The following ANKRD62 variants were observed in gnomAD, a reference collection of about 807,000 sequenced individuals.
ANKRD62 encodes the protein ankyrin repeat domain-containing protein 62.
In ANKRD62, 61 loss-of-function variants were observed where a neutral mutation model predicts 98.8. That is an observed-to-expected ratio of 0.62 (90% confidence interval 0.50 to 0.76). The LOEUF (loss-of-function observed/expected upper bound fraction) is 0.76, where lower values mean the gene tolerates loss of function less well. Ranked by LOEUF, ANKRD62 falls within the 30% of genes least tolerant of loss-of-function variation. The pLI, the probability that ANKRD62 is intolerant of heterozygous loss-of-function variation, is 0.00. For synonymous variants in ANKRD62, 341 were observed against 367.9 expected, an observed-to-expected ratio of 0.93 and a Z score of 0.84; for missense variants, 933 against 1,082.9, an observed-to-expected ratio of 0.86 and a Z score of 1.94.
Position 12,093,926 on chromosome 18 carries a change from C to G in ANKRD62, c.-92C>G, listed in dbSNP as rs1016210138. The G allele has an allele frequency of 1.4e-5, 18 of 1,279,990 alleles. No individual in the cohort carries two copies. The highest frequency in any genetic ancestry group is 2.0e-5 in the Admixed American group (1 of 49,936). The allele number at this position is 1,279,990 out of a possible 1,614,324, so 79.3% of individuals were successfully genotyped here. A position where few individuals can be genotyped will look rare whatever the true frequency, so the allele number is the denominator to read the frequency against. ...GGTTGCGGCTGGACCTGGTTACGTG[C>G]TGGTGCTGCGCTCCAGAGAGGCAGA... On this transcript the variant is annotated 5_prime_UTR_variant, in exon 1 of 14. Transcript: ENST00000587848.
At chr18:12,107,983 T>G (rs1013694328) in intron 8 of ANKRD62, among the ~76,000 whole-genome samples, 1 of 152,192 alleles carries the variant, frequency 6.6e-6, no homozygotes, top group African/African-American at 2.4e-5. Flanking sequence ...AATTGTTGCG[T>G]GCATACATAT....
At chr18:12,113,758 A>G (rs976819593) in intron 8 of ANKRD62, among the ~76,000 whole-genome samples, 5 of 152,258 alleles carry the variant, frequency 3.3e-5, no homozygotes, top group African/African-American at 1.2e-4. Context: ...CCTCAAAGAC[A>G]GAAGTACCAT....
intron 10 of ANKRD62, among the ~76,000 whole-genome samples, chr18:12,118,155 G>C (rs1489268539): frequency 6.6e-6 from 1 of 152,178 alleles, no homozygotes; most frequent in East Asian, 1.9e-4. Flanking sequence ...TGACATGTAT[G>C]CGTGTCATAT....
At chr18:12,178,258 A>G in the ANKRD62 span, among the ~76,000 whole-genome samples, 1 of 150,602 alleles carries the variant, frequency 6.6e-6, no homozygotes, top group Non-Finnish European at 1.5e-5. Context: ...GGCAGATAGC[A>G]TATTGAGGGG....
chr18:12,150,471 AC>A, the ANKRD62 span, among the ~76,000 whole-genome samples: 1 of 152,188 alleles, frequency 6.6e-6, no homozygotes, highest in Non-Finnish European at 1.5e-5. Context: ...GATTTTACAC[AC>A]GAATACCATC....
Position 12,117,598 on chromosome 18 carries a change from A to T in ANKRD62, c.1240+2064A>T, listed in dbSNP as rs945412940. Among the ~76,000 whole-genome samples the T allele has an allele frequency of 1.7e-4, 26 of 152,334 alleles. 1 individual carries two copies. Among genetic ancestry groups the T allele is most frequent in the Non-Finnish European group, 3.5e-4 (24 of 68,028 alleles). On this transcript the variant is annotated intron_variant, in intron 10 of 13. Coordinates refer to ENST00000587848, the MANE Select transcript of ANKRD62 (RefSeq NM_001277333.2). Reference sequence around the variant, plus strand: ...CATGATACATGTTAGCTGTAGGTTCATCATAGATGTTCTTTATCATGCTGA... The same window carrying T: ...CATGATACATGTTAGCTGTAGGTTCTTCATAGATGTTCTTTATCATGCTGA...
In ANKRD62 at chr18:12,097,663, G is replaced by A. The variant is rs771643622; in HGVS notation, c.638G>A (p.Arg213His). The change falls in exon 5 of 14, where the codon CGT (arginine) becomes CAT (histidine). Residue 213 changes from arginine (R) to histidine (H), a missense_variant. Physicochemically the swap from Arg to His is conservative, Grantham distance 29 (BLOSUM62 0). This residue lies in a region of ANKRD62 where 549 missense variants were observed against 587.9 expected (regional missense o/e 0.93). Coordinates refer to ENST00000587848, the MANE Select transcript of ANKRD62 (RefSeq NM_001277333.2). Reference protein sequence around the residue: ...FGRTALILAARNGSTSVVYQL... With the variant: ...FGRTALILAAHNGSTSVVYQL... ...AGAACAGCCCTGATACTTGCTGCTC[G>A]TAATGGATCAACAAGTGTAGTCTAC... 21 of 1,535,438 alleles carry A rather than the reference G, an allele frequency of 1.4e-5. No homozygotes were observed. The highest frequency in any genetic ancestry group is 2.4e-5 in the South Asian group (2 of 83,900).
chr18:12,173,813 G>A, the ANKRD62 span, among the ~76,000 whole-genome samples: 7 of 152,148 alleles, frequency 4.6e-5, no homozygotes, highest in Admixed American at 4.6e-4. Flanking sequence ...TTGAATATTG[G>A]CCTTCACATC....
chr18:12,095,416 T>A lies in ANKRD62; in HGVS notation c.334-21T>A, dbSNP rs766492794. ...AGATTTCCTAGAATTTACAGTCTAT[T>A]TCTTGGTCTAATACTGACAGGCTGT... On this transcript the variant is annotated intron_variant, in intron 2 of 13. Transcript: ENST00000587848. 3 of 1,559,976 alleles carry A rather than the reference T, an allele frequency of 1.9e-6. No homozygotes were observed. In the South Asian group the frequency reaches 3.5e-5, roughly 18 times the overall value.
the ANKRD62 span, among the ~76,000 whole-genome samples, chr18:12,161,176 T>C: frequency 6.6e-6 from 1 of 152,214 alleles, no homozygotes; most frequent in Admixed American, 6.5e-5. Context: ...TGTTACCATC[T>C]GAGTCTTAAA....
At chr18:12,132,131 G>A (rs546495402), downstream of ANKRD62, among the ~76,000 whole-genome samples, 52 of 152,038 alleles carry the variant, frequency 3.4e-4, no homozygotes, top group South Asian at 2.7e-3. Context: ...TTATTGTACA[G>A]ATATTTTGCA....
the ANKRD62 span, among the ~76,000 whole-genome samples, chr18:12,167,261 T>G: frequency 5.3e-3 from 810 of 151,890 alleles, 5 homozygotes; most frequent in Middle Eastern, 0.031. Context: ...CATTAAGTAT[T>G]TCTCCTAATG....
the ANKRD62 span, among the ~76,000 whole-genome samples, chr18:12,157,361 G>C: frequency 6.6e-6 from 1 of 152,066 alleles, no homozygotes; most frequent in African/African-American, 2.4e-5. Flanking sequence ...TGACCCCTTT[G>C]TGATGAACCA....
rs1184959092 is a variant in ANKRD62 at position 12,097,794 on chromosome 18, C to G, written c.752+17C>G. ...GTTTCAAGCGTAAGTGTTAAAAAGGCTAGTGAACACTAAATTGAGGTTTAA... is the reference window on the plus strand; with the variant it reads ...GTTTCAAGCGTAAGTGTTAAAAAGGGTAGTGAACACTAAATTGAGGTTTAA... On this transcript the variant is annotated intron_variant, in intron 5 of 13. Transcript: ENST00000587848. 4.6e-6 allele frequency: 7 copies of G among 1,533,200 alleles called. No homozygotes were observed. Among genetic ancestry groups the G allele is most frequent in the Non-Finnish European group, 6.1e-6 (7 of 1,144,050 alleles). The allele number at this position is 1,533,200 out of a possible 1,614,324, so 95.0% of individuals were successfully genotyped here. A position where few individuals can be genotyped will look rare whatever the true frequency, so the allele number is the denominator to read the frequency against.
At chr18:12,169,906 T>C in the ANKRD62 span, among the ~76,000 whole-genome samples, 1 of 152,230 alleles carries the variant, frequency 6.6e-6, no homozygotes, top group Non-Finnish European at 1.5e-5. Context: ...GATTTTCTAG[T>C]TTATTTGCAT....
the ANKRD62 span, among the ~76,000 whole-genome samples, chr18:12,135,096 G>T: frequency 5.3e-5 from 8 of 150,824 alleles, no homozygotes; most frequent in Non-Finnish European, 1.0e-4. Flanking sequence ...CAACGTGCAG[G>T]TGTGTTACAT....
the ANKRD62 span, among the ~76,000 whole-genome samples, chr18:12,155,242 C>A: frequency 6.6e-6 from 1 of 152,158 alleles, no homozygotes; most frequent in East Asian, 1.9e-4. Flanking sequence ...CTTATTCTGG[C>A]TTGAAAACTT....
intron 8 of ANKRD62, 124 bp from the exon 9 acceptor site, chr18:12,114,964 A>C (rs1266696872): frequency 1.4e-5 from 11 of 788,970 alleles, no homozygotes; most frequent in Non-Finnish European, 1.9e-5. Flanking sequence ...CATTACCTGT[A>C]AACATTATAA....
chr18:12,167,655 A>G, the ANKRD62 span, among the ~76,000 whole-genome samples: 540 of 152,310 alleles, frequency 3.5e-3, 2 homozygotes, highest in African/African-American at 0.012. Context: ...ATACCCAGTA[A>G]TAGGATCACT....
Sources: gnomAD v4.1 joint callset for allele counts (sites outside exome capture counted in the v4.1 genomes callset) on GRCh38, gnomAD v4.1.1 for gene constraint, gnomAD v4.1.1 regional missense constraint, MANE v1.5 for transcripts, NCBI Gene and HGNC (gene_info 2026-07-23, HGNC 2026-07-21) for gene names.